MED27: variants seen among roughly 807,000 people sequenced by gnomAD.
The protein encoded by MED27 is mediator of RNA polymerase II transcription subunit 27.
MED27 carries 30 observed loss-of-function variants against 38.2 expected under a neutral mutation model. That is an observed-to-expected ratio of 0.79 (90% CI 0.59 to 1.07). The LOEUF (loss-of-function observed/expected upper bound fraction) is 1.07. Ranked by LOEUF, MED27 falls within the 50% of genes least tolerant of loss-of-function variation. The pLI, the probability that MED27 is intolerant of heterozygous loss-of-function variation, is 0.00. For synonymous variants in MED27, 122 were observed against 153.5 expected (o/e 0.79, Z 1.52); for missense variants, 289 against 397.5 (o/e 0.73, Z 2.32).
chr9:131,878,217 G>T (rs1418847437), intron 6 of MED27, among the ~76,000 whole-genome samples: 1 of 151,748 alleles, frequency 6.6e-6, no homozygotes, highest in Non-Finnish European at 1.5e-5. Flanking sequence ...AGGTTGCAGT[G>T]AGCTGAGATT....
chr9:131,979,503 A>C (rs911046133), intron 3 of MED27, among the ~76,000 whole-genome samples: 2 of 120,664 alleles, frequency 1.7e-5, no homozygotes, highest in African/African-American at 2.8e-5. Context: ...AAAAAAAAAA[A>C]ACCCCACAAT....
intron 4 of MED27, among the ~76,000 whole-genome samples, chr9:131,930,873 G>A (rs999758257): frequency 6.6e-5 from 10 of 152,190 alleles, no homozygotes; most frequent in African/African-American, 2.4e-4. Flanking sequence ...ATGAAAAAGT[G>A]TAGAGTTATT....
chr9:132,072,276 T>C (rs181398941), intron 2 of MED27, among the ~76,000 whole-genome samples: 1 of 151,876 alleles, frequency 6.6e-6, no homozygotes, highest in East Asian at 1.9e-4. Context: ...TTCAACCCTA[T>C]GATCCAAATA....
intron 3 of MED27, among the ~76,000 whole-genome samples, chr9:131,955,981 T>C (rs1011719451): frequency 3.9e-5 from 6 of 152,120 alleles, no homozygotes; most frequent in African/African-American, 1.4e-4. Flanking sequence ...AATTCCTTAA[T>C]AAAATATTAG....
At chr9:131,927,885 C>T (rs1260988642) in intron 4 of MED27, among the ~76,000 whole-genome samples, 1 of 152,170 alleles carries the variant, frequency 6.6e-6, no homozygotes, top group East Asian at 1.9e-4. Flanking sequence ...GCCAGGGTTG[C>T]TCCAGGCACG....
At chr9:132,053,270 G>A (rs9411339) in intron 2 of MED27, among the ~76,000 whole-genome samples, 29 of 148,924 alleles carry the variant, frequency 1.9e-4, no homozygotes, top group Non-Finnish European at 3.1e-4. Context: ...AAAAAAAAAA[G>A]AAAAAGAAAG....
intron 3 of MED27, among the ~76,000 whole-genome samples, chr9:131,992,613 G>A (rs930875921): frequency 6.6e-6 from 1 of 152,140 alleles, no homozygotes; most frequent in Non-Finnish European, 1.5e-5. Flanking sequence ...CATTGACCCA[G>A]CTACTTTTGA....
chr9:131,954,770 AC>A (rs1831063818), intron 3 of MED27, among the ~76,000 whole-genome samples: 1 of 152,164 alleles, frequency 6.6e-6, no homozygotes, highest in African/African-American at 2.4e-5. Flanking sequence ...GGTGAACGAA[AC>A]CCATTATTTA....
At chr9:132,005,805 A>T (rs1832345702) in intron 3 of MED27, among the ~76,000 whole-genome samples, 1 of 152,276 alleles carries the variant, frequency 6.6e-6, no homozygotes, top group African/African-American at 2.4e-5. Flanking sequence ...AAAAGGCAAA[A>T]GCAGCTGTCT....
At chr9:131,925,218 G>A (rs903655253) in intron 4 of MED27, among the ~76,000 whole-genome samples, 3 of 152,224 alleles carry the variant, frequency 2.0e-5, no homozygotes, top group Admixed American at 2.0e-4. Flanking sequence ...AATGTTCTGA[G>A]CAGGACTGTT....
rs749187589 is a variant in MED27, at chr9:131,904,244, G to T, written c.574-10252C>A. 7.9e-5 allele frequency among the ~76,000 whole-genome samples: 12 copies of T among 152,024 alleles called. 1 individual carries two copies. The East Asian group carries it at 2.3e-3, about 29-fold the overall frequency. ...TGTAGAGATGGGGTTTTGCCATGTT[G>T]CCCAGGCTGGTCTTAGACTCCTGGA... On this transcript the variant is annotated intron_variant, in intron 4 of 7. Transcript: ENST00000292035.
In MED27 at chr9:132,068,783, C is replaced by G. The variant is rs1833866399; in HGVS notation, c.348+8659G>C. 2.0e-5 allele frequency among the ~76,000 whole-genome samples: 3 copies of G among 152,132 alleles called. No homozygotes were observed. The South Asian group carries it at 6.2e-4, about 32-fold the overall frequency. On this transcript the variant is annotated intron_variant, in intron 2 of 7. Coordinates refer to ENST00000292035, the MANE Select transcript of MED27 (RefSeq NM_004269.4). ...TCCAAGGGCAGCTGTCCAGCTGGGCCCTTTGATACATGGGTCTGGATGTCG... is the reference window on the plus strand; with the variant it reads ...TCCAAGGGCAGCTGTCCAGCTGGGCGCTTTGATACATGGGTCTGGATGTCG...
chr9:131,931,526 A>G (rs1418331276), intron 4 of MED27, among the ~76,000 whole-genome samples: 1 of 152,176 alleles, frequency 6.6e-6, no homozygotes, highest in African/African-American at 2.4e-5. Context: ...ACTAACTCCA[A>G]TCAAATATAA....
Position 131,975,348 on chromosome 9 carries a change from G to C in MED27, c.480-35874C>G, listed in dbSNP as rs112580802. Reference sequence around the variant, plus strand: ...AGGAATTTGGCTAGTAGGTCATCCAGACCAAGTTACTATTCCTTTCATCTT... The same window carrying C: ...AGGAATTTGGCTAGTAGGTCATCCACACCAAGTTACTATTCCTTTCATCTT... On this transcript the variant is annotated intron_variant, in intron 3 of 7. Coordinates refer to ENST00000292035, the MANE Select transcript of MED27 (RefSeq NM_004269.4). Among the ~76,000 whole-genome samples the C allele has an allele frequency of 4.6e-5, 7 of 152,328 alleles. 1 individual carries two copies. The highest frequency in any genetic ancestry group is 1.4e-4 in the African/African-American group (6 of 41,570).
At chr9:132,073,602 A>C (rs1375953158) in intron 2 of MED27, 2 of 1,424,694 alleles carry the variant, frequency 1.4e-6, no homozygotes, top group East Asian at 2.6e-5. Flanking sequence ...GCACCTTCAG[A>C]GATAGATGTG....
At chr9:131,869,160 A>C (rs569291962) in intron 6 of MED27, 17 of 985,336 alleles carry the variant, frequency 1.7e-5, no homozygotes, top group Non-Finnish European at 2.0e-5. Flanking sequence ...ATTTTAATAA[A>C]GGAAACAGAG....
intron 4 of MED27, among the ~76,000 whole-genome samples, chr9:131,903,660 C>T (rs1386475187): frequency 6.6e-6 from 1 of 152,186 alleles, no homozygotes; most frequent in East Asian, 1.9e-4. Flanking sequence ...TGAGCGTCCA[C>T]GAGAGCTACT....
intron 2 of MED27, among the ~76,000 whole-genome samples, chr9:132,053,906 A>G (rs1833517665): frequency 6.6e-6 from 1 of 151,998 alleles, no homozygotes. Flanking sequence ...GGGAAAAAAT[A>G]TATATAAATT....
In MED27 at chr9:132,003,315, T is replaced by G. The variant is rs552762555; in HGVS notation, c.479+11022A>C. 1.3e-5 allele frequency among the ~76,000 whole-genome samples: 2 copies of G among 152,368 alleles called. No homozygotes were observed. Among genetic ancestry groups the G allele is most frequent in the East Asian group, 3.9e-4 (2 of 5,188 alleles). The stretch of plus-strand genomic sequence containing the variant: ...CTGCCACATTCAACTTAGTGCTTAA[T>G]GGCCAGGTTCTTTATTACAGTTTTC... On this transcript the variant is annotated intron_variant, in intron 3 of 7. Transcript: ENST00000292035. This position sits in a 1 kb window ranked among gnomAD's most constrained non-coding sequence, Gnocchi z 4.2.
Sources: gnomAD v4.1 joint callset for allele counts (sites outside exome capture counted in the v4.1 genomes callset) on GRCh38, gnomAD v4.1.1 for gene constraint, Gnocchi (gnomAD v3.1) non-coding constraint, MANE v1.5 for transcripts, NCBI Gene and HGNC (gene_info 2026-07-23, HGNC 2026-07-21) for gene names.